The following SLA2 variants were observed in gnomAD, a reference collection of about 807,000 sequenced individuals.
SLA2 encodes Src like adaptor 2, also known as src-like-adapter 2.
SLA2 carries 22 observed loss-of-function variants against 27.3 expected under a neutral mutation model. That is an observed-to-expected ratio of 0.81 (90% confidence interval 0.58 to 1.15). SLA2 has a LOEUF of 1.15. Among genes scored for constraint, SLA2 ranks in the 50% most tolerant of loss-of-function variants. The pLI, the probability that SLA2 is intolerant of heterozygous loss-of-function variation, is 0.00. For missense variants in SLA2, 304 were observed against 322.2 expected (o/e 0.94, Z 0.43); for synonymous variants, 131 against 137.8 (o/e 0.95, Z 0.34).
rs111336116 is a variant in SLA2 at position 36,644,412 on chromosome 20, T to G, written c.-44+1425A>C. On this transcript the variant is annotated intron_variant, in intron 1 of 7. Transcript: ENST00000262866. Reference sequence around the variant, plus strand: ...AGGCGCCACGGGGCTGTGGGGAGAGTTGCAGGAGTCTGGCACAGAGTGGGT... The same window carrying G: ...AGGCGCCACGGGGCTGTGGGGAGAGGTGCAGGAGTCTGGCACAGAGTGGGT... 6.3e-3 allele frequency among the ~76,000 whole-genome samples: 950 copies of G among 151,892 alleles called. 4 individuals are homozygous for G. Among genetic ancestry groups the G allele is most frequent in the Middle Eastern group, 0.014 (4 of 294 alleles).
intron 5 of SLA2, among the ~76,000 whole-genome samples, chr20:36,632,190 G>C (rs958285961): frequency 1.3e-5 from 2 of 152,160 alleles, no homozygotes; most frequent in Non-Finnish European, 2.9e-5. Context: ...AGGCCTCTGT[G>C]CTGGAGCTTG....
chr20:36,641,150 A>G (rs2039502662), intron 2 of SLA2, 95 bp downstream of exon 2: 1 of 1,035,688 alleles, frequency 9.7e-7, no homozygotes, highest in East Asian at 2.4e-5. Flanking sequence ...CGGTGCTTAC[A>G]CTGTGTTGGA....
chr20:36,614,409 G>A lies in SLA2; in HGVS notation c.561C>T (p.Leu187=). Residue 187 remains leucine (L), a synonymous_variant, in exon 7 of 8, where the codon CTC becomes CTT. Coordinates refer to ENST00000262866, the MANE Select transcript of SLA2 (RefSeq NM_032214.4). ...CCCTCTGCAGGACACAGGGCTCCTTGAGTAGGCAGCAGATGTCATCCGCCA... is the reference window on the plus strand; with the variant it reads ...CCCTCTGCAGGACACAGGGCTCCTTAAGTAGGCAGCAGATGTCATCCGCCA... ...SELADDICCL[L]KEPCVLQRAG... The A allele has an allele frequency of 1.2e-6, 2 of 1,612,662 alleles. No homozygotes were observed. The highest frequency in any genetic ancestry group is 1.7e-6 in the Non-Finnish European group (2 of 1,179,340).
intron 5 of SLA2, among the ~76,000 whole-genome samples, chr20:36,630,240 G>T (rs552782941): frequency 6.6e-6 from 1 of 152,342 alleles, no homozygotes; most frequent in East Asian, 1.9e-4. Context: ...ACCAGCCTAT[G>T]GATGTATGTG....
chr20:36,614,477 C>T, intron 6 of SLA2, 40 bp from the exon 7 acceptor site: 1 of 1,557,940 alleles, frequency 6.4e-7, no homozygotes, highest in East Asian at 2.3e-5. Flanking sequence ...ACTGACTCCA[C>T]CCTACTTCTC....
intron 5 of SLA2, among the ~76,000 whole-genome samples, chr20:36,616,865 C>T (rs1426841965): frequency 2.0e-5 from 3 of 151,590 alleles, no homozygotes; most frequent in Non-Finnish European, 2.9e-5. Flanking sequence ...CCCTGGCCAA[C>T]GTGGTGAAAC....
At chr20:36,616,734 G>A (rs950582520) in intron 5 of SLA2, among the ~76,000 whole-genome samples, 1 of 152,198 alleles carries the variant, frequency 6.6e-6, no homozygotes, top group Non-Finnish European at 1.5e-5. Flanking sequence ...TCTTGCCTCA[G>A]CCTCCTGAGT....
At chr20:36,622,861 G>C (rs761705585) in intron 5 of SLA2, among the ~76,000 whole-genome samples, 104 of 152,120 alleles carry the variant, frequency 6.8e-4, no homozygotes, top group Non-Finnish European at 1.1e-3. Flanking sequence ...AACTCTTTTT[G>C]CAATGTAAGG....
At chr20:36,616,924 C>T (rs929996998) in intron 5 of SLA2, among the ~76,000 whole-genome samples, 16 of 152,144 alleles carry the variant, frequency 1.1e-4, no homozygotes, top group African/African-American at 3.9e-4. Context: ...GTGGTGCACA[C>T]CTGTAGTCCG....
intron 1 of SLA2, among the ~76,000 whole-genome samples, chr20:36,642,053 A>C (rs2039511884): frequency 7.0e-6 from 1 of 142,850 alleles, no homozygotes; most frequent in East Asian, 2.2e-4. Context: ...AGTCCCAGCT[A>C]CTCAGGTGGG....
At chr20:36,620,815 G>A (rs185174770) in intron 5 of SLA2, 198 of 183,868 alleles carry the variant, frequency 1.1e-3, no homozygotes, top group Non-Finnish European at 1.6e-3. Context: ...TGATCCACCC[G>A]CCTAGGCCTC....
At chr20:36,616,773 G>A (rs1463579834) in intron 5 of SLA2, among the ~76,000 whole-genome samples, 4 of 152,156 alleles carry the variant, frequency 2.6e-5, no homozygotes, top group East Asian at 3.9e-4. Context: ...GAACCACCCC[G>A]TGCCTGGCCA....
chr20:36,633,290 G>A (rs7262100), intron 4 of SLA2, among the ~76,000 whole-genome samples: 3,415 of 152,120 alleles, frequency 0.022, 131 homozygotes, highest in African/African-American at 0.076. Flanking sequence ...TTTCCACCAC[G>A]AGATCCTGGC....
chr20:36,616,998 C>T (rs1016137117), intron 5 of SLA2, among the ~76,000 whole-genome samples: 2 of 151,732 alleles, frequency 1.3e-5, no homozygotes, highest in South Asian at 2.1e-4. Flanking sequence ...TGCAGTGAGC[C>T]GAGATTGTGC....
At chr20:36,626,832 G>C (rs1485334615) in intron 5 of SLA2, among the ~76,000 whole-genome samples, 2 of 134,108 alleles carry the variant, frequency 1.5e-5, no homozygotes, top group Non-Finnish European at 3.1e-5. Flanking sequence ...GCGACAGCAA[G>C]ACTCCATCTC....
At chr20:36,623,050 C>T (rs2039301013) in intron 5 of SLA2, among the ~76,000 whole-genome samples, 2 of 152,238 alleles carry the variant, frequency 1.3e-5, no homozygotes, top group South Asian at 4.1e-4. Context: ...TTGCTGATCA[C>T]CTGAGGCCAG....
In SLA2 at chr20:36,612,562, TTGA is replaced by T. The variant is rs2039151736; in HGVS notation, c.*1301_*1303del. On this transcript the variant is annotated 3_prime_UTR_variant, in exon 8 of 8. Transcript: ENST00000262866. ...AATCAAATCTTTAATTGAGAACCTGTTGATGATACCTGATAAAGCCTTTCCCAC... is the reference window on the plus strand; with the variant it reads ...AATCAAATCTTTAATTGAGAACCTGTTGATACCTGATAAAGCCTTTCCCAC... 2 of 329,008 alleles carry T rather than the reference TTGA, an allele frequency of 6.1e-6. No individual in the cohort carries two copies. Among genetic ancestry groups the T allele is most frequent in the Non-Finnish European group, 1.2e-5 (2 of 170,190 alleles). The allele number at this position is 329,008 out of a possible 1,614,324, so 20.4% of individuals were successfully genotyped here. A position where few individuals can be genotyped will look rare whatever the true frequency, so the allele number is the denominator to read the frequency against.
In SLA2 at chr20:36,641,253, A is replaced by G; in HGVS notation, c.83T>C (p.Met28Thr). The G allele has an allele frequency of 1.9e-6, 3 of 1,613,864 alleles. No homozygotes were observed. The highest frequency in any genetic ancestry group is 1.7e-5 in the Admixed American group (1 of 60,014). Residue 28 changes from methionine (M) to threonine (T), a missense_variant, in exon 2 of 8, where the codon ATG becomes ACG. By Grantham distance (81) the Met-to-Thr change is moderately conservative. Coordinates refer to ENST00000262866, the MANE Select transcript of SLA2 (RefSeq NM_032214.4). Reference protein sequence around the residue: ...SSVQGQGPVTMEAERSKATAV... With the variant: ...SSVQGQGPVTTEAERSKATAV... ...CAGGCCCTGAGGCCTACCTGCTTCCATGGTCACAGGTCCCTGGCCTTGGAC... is the reference window on the plus strand; with the variant it reads ...CAGGCCCTGAGGCCTACCTGCTTCCGTGGTCACAGGTCCCTGGCCTTGGAC...
intron 5 of SLA2, among the ~76,000 whole-genome samples, chr20:36,617,142 G>C (rs1338848750): frequency 6.6e-6 from 1 of 151,688 alleles, no homozygotes; most frequent in Non-Finnish European, 1.5e-5. Flanking sequence ...CGGATCACCT[G>C]AGGTCAGGAG....
Sources: allele counts gnomAD v4.1 joint callset (sites outside exome capture counted in the v4.1 genomes callset), GRCh38; gene constraint gnomAD v4.1.1; transcripts MANE v1.5; gene names NCBI Gene and HGNC (gene_info 2026-07-23, HGNC 2026-07-21).